RBFOX1: variants seen among roughly 807,000 people sequenced by gnomAD.
RBFOX1 encodes the protein RNA binding protein fox-1 homolog 1.
RBFOX1 carries 8 observed loss-of-function variants against 57.7 expected under a neutral mutation model. The observed-to-expected ratio is 0.14, with a 90% CI of 0.08 to 0.25. The LOEUF (loss-of-function observed/expected upper bound fraction) is 0.25, where lower values mean the gene tolerates loss of function less well. Among genes scored for constraint, RBFOX1 ranks in the 10% least tolerant of loss-of-function variants. RBFOX1 has a pLI of 1.00. For missense variants in RBFOX1, 611 were observed against 548.5 expected, an observed-to-expected ratio of 1.11 and a Z score of -1.14; for synonymous variants, 326 against 222.4, an observed-to-expected ratio of 1.47 and a Z score of -4.15.
At chr16:6,082,347 A>AGTTTTTT (rs2096015001) in intron 1 of RBFOX1, among the ~76,000 whole-genome samples, 1 of 41,024 alleles carries the variant, frequency 2.4e-5, no homozygotes, top group East Asian at 7.8e-4. Flanking sequence ...CACCTGGCTA[A>AGTTTTTT]TTTTTTTTTT....
At chr16:7,583,689 C>T (rs751163280) in intron 6 of RBFOX1, among the ~76,000 whole-genome samples, 6 of 152,062 alleles carry the variant, frequency 3.9e-5, no homozygotes, top group Non-Finnish European at 7.4e-5. Context: ...AAAATACAGA[C>T]CCTCTTGGCC....
At chr16:6,101,361 A>G (rs12597236) in intron 1 of RBFOX1, among the ~76,000 whole-genome samples, 2 of 152,174 alleles carry the variant, frequency 1.3e-5, no homozygotes, top group Admixed American at 6.5e-5. Flanking sequence ...ATGTCCTCAT[A>G]CTGAACCAAG....
At chr16:5,335,616 A>T (rs552714373) in intron 1 of RBFOX1, among the ~76,000 whole-genome samples, 2 of 152,286 alleles carry the variant, frequency 1.3e-5, no homozygotes, top group East Asian at 3.9e-4. Context: ...ATGAGCGAGC[A>T]GATTAGGAGA....
intron 5 of RBFOX1, among the ~76,000 whole-genome samples, chr16:7,568,676 G>A (rs2092406070): frequency 6.6e-6 from 1 of 151,836 alleles, no homozygotes; most frequent in Non-Finnish European, 1.5e-5. Context: ...ATGAGGTCAG[G>A]AGATCGAGAC....
chr16:7,525,917 C>G (rs1012630249), intron 5 of RBFOX1, among the ~76,000 whole-genome samples: 2 of 152,132 alleles, frequency 1.3e-5, no homozygotes, highest in Non-Finnish European at 2.9e-5. Context: ...CAGGCTGTTT[C>G]CCCAGTCTCC....
chr16:6,039,608 C>A (rs2095414229), intron 1 of RBFOX1, among the ~76,000 whole-genome samples: 1 of 152,148 alleles, frequency 6.6e-6, no homozygotes, highest in South Asian at 2.1e-4. Context: ...AACAGTGATT[C>A]CTAGGCCCCA....
intron 4 of RBFOX1, among the ~76,000 whole-genome samples, chr16:7,482,158 A>G (rs765826337): frequency 2.0e-5 from 3 of 152,222 alleles, no homozygotes. Flanking sequence ...TGTAGCATCT[A>G]TTCCATTGTG....
chr16:6,769,149 A>G (rs2077874575), intron 3 of RBFOX1, among the ~76,000 whole-genome samples: 1 of 152,194 alleles, frequency 6.6e-6, no homozygotes, highest in East Asian at 1.9e-4. Context: ...TAATGGAGGC[A>G]GGTCATTCCC....
chr16:6,395,161 T>G (rs2092772220), intron 2 of RBFOX1, among the ~76,000 whole-genome samples: 1 of 152,206 alleles, frequency 6.6e-6, no homozygotes, highest in South Asian at 2.1e-4. Flanking sequence ...CATGTGGAAA[T>G]GAATTATTGT....
chr16:6,772,866 G>GTA (rs2078572690), intron 3 of RBFOX1, among the ~76,000 whole-genome samples: 2 of 149,008 alleles, frequency 1.3e-5, no homozygotes, highest in Non-Finnish European at 3.0e-5. Context: ...ATTTGTGTGT[G>GTA]TGTGTCTGTG....
At chr16:5,511,168 C>A (rs1043602002) in intron 2 of RBFOX1, among the ~76,000 whole-genome samples, 1 of 152,204 alleles carries the variant, frequency 6.6e-6, no homozygotes, top group African/African-American at 2.4e-5. Flanking sequence ...CTGAAGAGTT[C>A]TGTGCAAGAA....
At chr16:6,112,506 C>G (rs576838282) in intron 1 of RBFOX1, among the ~76,000 whole-genome samples, 119 of 152,246 alleles carry the variant, frequency 7.8e-4, no homozygotes, top group African/African-American at 2.6e-3. Flanking sequence ...GCCTGGCCAA[C>G]ATGGAGAAAC....
At chr16:7,243,193 T>C (rs2094146443) in intron 4 of RBFOX1, among the ~76,000 whole-genome samples, 1 of 152,162 alleles carries the variant, frequency 6.6e-6, no homozygotes. Context: ...CAAACACATA[T>C]TGATCTCTTG....
chr16:6,132,205 A>C (rs2096634675), intron 1 of RBFOX1, among the ~76,000 whole-genome samples: 1 of 152,052 alleles, frequency 6.6e-6, no homozygotes, highest in Admixed American at 6.6e-5. Context: ...ATCATGGGGG[A>C]CACTTTCGGC....
chr16:7,002,579 G>A (rs539914946), intron 3 of RBFOX1, among the ~76,000 whole-genome samples: 1 of 152,104 alleles, frequency 6.6e-6, no homozygotes, highest in Non-Finnish European at 1.5e-5. Flanking sequence ...GGGCGTGGTG[G>A]CATGCACATG....
At chr16:6,755,079 C>G (rs1012843229) in intron 3 of RBFOX1, among the ~76,000 whole-genome samples, 1 of 152,134 alleles carries the variant, frequency 6.6e-6, no homozygotes, top group Non-Finnish European at 1.5e-5. Context: ...GTATATGTTG[C>G]ACATTTTCTT....
chr16:6,142,780 A>T (rs2096728705), intron 1 of RBFOX1, among the ~76,000 whole-genome samples: 1 of 152,122 alleles, frequency 6.6e-6, no homozygotes, highest in Non-Finnish European at 1.5e-5. Flanking sequence ...ACTTCTTCTC[A>T]CTTACTGTTA....
chr16:6,512,410 G>T (rs997423413), intron 2 of RBFOX1, among the ~76,000 whole-genome samples: 32 of 151,894 alleles, frequency 2.1e-4, no homozygotes, highest in African/African-American at 7.7e-4. Flanking sequence ...GGTAGGATAG[G>T]GAATGCGTTG....
intron 1 of RBFOX1, among the ~76,000 whole-genome samples, chr16:5,307,741 A>T (rs1488903181): frequency 6.6e-6 from 1 of 152,130 alleles, no homozygotes; most frequent in Non-Finnish European, 1.5e-5. Flanking sequence ...AGGCACCATC[A>T]TATCTTACGG....
Sources: allele counts gnomAD v4.1 joint callset (sites outside exome capture counted in the v4.1 genomes callset), GRCh38; gene constraint gnomAD v4.1.1; transcripts MANE v1.5; gene names NCBI Gene and HGNC (gene_info 2026-07-23, HGNC 2026-07-21).